SYNPO2: variants seen among roughly 807,000 people sequenced by gnomAD.
SYNPO2 encodes synaptopodin 2.
A neutral mutation model predicts 85.0 loss-of-function variants in SYNPO2; 56 were observed. The observed-to-expected ratio is 0.66, with a 90% CI of 0.53 to 0.82. The LOEUF is 0.82. Among genes scored for constraint, SYNPO2 ranks in the 40% least tolerant of loss-of-function variants. SYNPO2 has a pLI of 0.00. For missense variants in SYNPO2, 1,575 were observed against 1,534.2 expected (o/e 1.03, Z -0.44); for synonymous variants, 602 against 591.1 (o/e 1.02, Z -0.27).
intron 1 of SYNPO2, among the ~76,000 whole-genome samples, chr4:118,987,629 A>C (rs1214316878): frequency 6.6e-6 from 1 of 150,774 alleles, no homozygotes; most frequent in Admixed American, 6.6e-5. Flanking sequence ...ATACCTCTGC[A>C]CTGCAGCCCA....
chr4:118,885,227 G>C (rs542748936), upstream of SYNPO2, among the ~76,000 whole-genome samples: 3 of 152,268 alleles, frequency 2.0e-5, no homozygotes, highest in South Asian at 6.2e-4. Flanking sequence ...ATGTAAAAAA[G>C]TTCGGACTTT....
chr4:118,963,188 C>T (rs1735173663), intron 1 of SYNPO2, among the ~76,000 whole-genome samples: 1 of 152,128 alleles, frequency 6.6e-6, no homozygotes, highest in Admixed American at 6.5e-5. Context: ...CACAAGGCAC[C>T]CTAGGCAAGT....
intron 1 of SYNPO2, among the ~76,000 whole-genome samples, chr4:118,970,486 T>C (rs992251357): frequency 3.3e-5 from 5 of 152,196 alleles, no homozygotes; most frequent in Non-Finnish European, 7.3e-5. Flanking sequence ...CCTCCAATTT[T>C]TTTACTATAT....
chr4:118,951,925 A>C (rs1268418214), intron 1 of SYNPO2, among the ~76,000 whole-genome samples: 1 of 152,202 alleles, frequency 6.6e-6, no homozygotes, highest in East Asian at 1.9e-4. Flanking sequence ...TTCTCCTTCC[A>C]GTCTCAGGCA....
chr4:119,057,572 C>T lies in SYNPO2; in HGVS notation c.3424C>T (p.Leu1142=). The change falls in exon 5 of 5, where the codon CTA becomes TTA. Residue 1142 remains leucine (L), a synonymous_variant. Transcript: ENST00000307142. ...WEAAAKSPLG[L]VDDAFQPRNI... ...AGCAGCAGCAAAGTCTCCTCTCGGT[C>T]TAGTGGATGATGCTTTCCAACCCAG... The T allele has an allele frequency of 6.2e-7, 1 of 1,614,046 alleles. No homozygotes were observed. The highest frequency in any genetic ancestry group is 8.5e-7 in the Non-Finnish European group (1 of 1,180,028).
intron 4 of SYNPO2, chr4:119,033,560 C>T: frequency 1.0e-6 from 1 of 985,410 alleles, no homozygotes; most frequent in Non-Finnish European, 1.2e-6. Context: ...GAAAAATCAT[C>T]TACTCTATGC....
chr4:119,054,437 C>A (rs1739147004), intron 4 of SYNPO2, among the ~76,000 whole-genome samples: 2 of 152,146 alleles, frequency 1.3e-5, no homozygotes, highest in Admixed American at 1.3e-4. Context: ...GTCACACAGA[C>A]AACTGAAGGG....
intron 1 of SYNPO2, among the ~76,000 whole-genome samples, chr4:119,011,126 C>T (rs1334338586): frequency 6.6e-6 from 1 of 152,190 alleles, no homozygotes; most frequent in Non-Finnish European, 1.5e-5. Flanking sequence ...TTGGCATGAC[C>T]CTGATTTCCC....
At chr4:118,921,798 CACACAT>C (rs1466808804) in intron 1 of SYNPO2, among the ~76,000 whole-genome samples, 7 of 151,878 alleles carry the variant, frequency 4.6e-5, no homozygotes, top group African/African-American at 1.7e-4. Context: ...CACACACACA[CACACAT>C]ACTCTTTTTT....
intron 1 of SYNPO2, among the ~76,000 whole-genome samples, chr4:118,881,008 C>A (rs112890421): frequency 0.025 from 3,797 of 151,476 alleles, 67 homozygotes; most frequent in African/African-American, 0.039. Context: ...TGTTCCTATA[C>A]GAAGAGGTTA....
intron 1 of SYNPO2, among the ~76,000 whole-genome samples, chr4:118,900,666 T>C (rs1732695273): frequency 1.6e-5 from 1 of 62,460 alleles, no homozygotes. Flanking sequence ...AATCTCTTTC[T>C]CTCTCTCTCT....
intron 4 of SYNPO2, among the ~76,000 whole-genome samples, chr4:119,040,509 A>C (rs929547172): frequency 6.6e-6 from 1 of 152,180 alleles, no homozygotes; most frequent in Non-Finnish European, 1.5e-5. Flanking sequence ...CAAAGATGAG[A>C]TCAGATTCAA....
chr4:118,977,374 G>C (rs1351836770), intron 1 of SYNPO2, among the ~76,000 whole-genome samples: 1 of 152,234 alleles, frequency 6.6e-6, no homozygotes, highest in Admixed American at 6.5e-5. Context: ...CGCCCACCCG[G>C]AACTCCAGCT....
chr4:118,918,429 G>C (rs139493457), intron 1 of SYNPO2, among the ~76,000 whole-genome samples: 1 of 152,170 alleles, frequency 6.6e-6, no homozygotes, highest in East Asian at 1.9e-4. Flanking sequence ...TCTGTTCGTT[G>C]GTTGTTGAGA....
At chr4:118,876,721 CT>C in intron 1 of SYNPO2, among the ~76,000 whole-genome samples, 1 of 123,506 alleles carries the variant, frequency 8.1e-6, no homozygotes, top group East Asian at 2.3e-4. Context: ...TTCTTTCTTT[CT>C]TTCTTTCTTT....
At chr4:119,010,747 A>G (rs1419511032) in intron 1 of SYNPO2, among the ~76,000 whole-genome samples, 1 of 152,264 alleles carries the variant, frequency 6.6e-6, no homozygotes. Flanking sequence ...GGCATTATTC[A>G]TTATTTCAAT....
chr4:118,900,697 C>CTATATATATATATATA (rs1165068182), intron 1 of SYNPO2, among the ~76,000 whole-genome samples: 1 of 37,172 alleles, frequency 2.7e-5, no homozygotes. Flanking sequence ...CTCTCTCTCT[C>CTATATATATATATATA]TCTCTCTATA....
chr4:118,951,388 T>G (rs1734690709), intron 1 of SYNPO2, among the ~76,000 whole-genome samples: 1 of 152,178 alleles, frequency 6.6e-6, no homozygotes, highest in African/African-American at 2.4e-5. Flanking sequence ...ATCCCATTCA[T>G]GAGAGCTCTG....
At chr4:118,989,072 T>C (rs1300098613) in intron 1 of SYNPO2, among the ~76,000 whole-genome samples, 1 of 152,142 alleles carries the variant, frequency 6.6e-6, no homozygotes, top group Non-Finnish European at 1.5e-5. Flanking sequence ...CTTTGGAAAT[T>C]GAATTTAAAG....
Sources: allele counts gnomAD v4.1 joint callset (sites outside exome capture counted in the v4.1 genomes callset), GRCh38; gene constraint gnomAD v4.1.1; transcripts MANE v1.5; gene names NCBI Gene and HGNC (gene_info 2026-07-23, HGNC 2026-07-21).